ATP11C: variants seen among roughly 807,000 people sequenced by gnomAD.
ATP11C encodes the protein ATPase phospholipid transporting 11C (ATP11C blood group).
ATP11C carries 36 observed loss-of-function variants against 97.4 expected under a neutral mutation model. The ratio of observed to expected loss-of-function variants is 0.37; its 90% CI spans 0.28 to 0.49. ATP11C has a LOEUF of 0.49. Among genes scored for constraint, ATP11C ranks in the 20% least tolerant of loss-of-function variants. The pLI is 0.98. For missense variants in ATP11C, 730 were observed against 824.6 expected (o/e 0.89, Z 1.40); for synonymous variants, 275 against 290.9 (o/e 0.95, Z 0.56).
chrX:139,855,327 T>G (rs931526810), intron 1 of ATP11C, among the ~76,000 whole-genome samples: 3 of 111,924 alleles, frequency 2.7e-5, no homozygotes, highest in Admixed American at 9.5e-5. Flanking sequence ...TTCCTTTCCC[T>G]CAAAACTAAA....
upstream of ATP11C, among the ~76,000 whole-genome samples, chrX:139,936,029 G>A (rs767037924): frequency 1.7e-3 from 187 of 110,800 alleles, 1 homozygote; most frequent in African/African-American, 5.9e-3. Context: ...GGGGCAGGAT[G>A]GCTCACACCT....
intron 22 of ATP11C, among the ~76,000 whole-genome samples, chrX:139,760,260 A>G (rs1247271327): frequency 8.9e-6 from 1 of 111,848 alleles, no homozygotes. Context: ...TTAAAAAGTG[A>G]TTTTGTGAAC....
At chrX:139,862,352 G>A (rs911942680) in intron 1 of ATP11C, among the ~76,000 whole-genome samples, 5 of 111,573 alleles carry the variant, frequency 4.5e-5, no homozygotes, top group East Asian at 2.8e-4. Flanking sequence ...ACCTCAACTT[G>A]AAGCTCCTCG....
At chrX:139,927,595 ACT>A (rs1045713654) in intron 1 of ATP11C, among the ~76,000 whole-genome samples, 4 of 110,462 alleles carry the variant, frequency 3.6e-5, no homozygotes, top group African/African-American at 1.3e-4. Context: ...CAAGAGTAAG[ACT>A]CTGTCTCAAA....
intron 1 of ATP11C, among the ~76,000 whole-genome samples, chrX:139,870,261 G>A (rs921582996): frequency 8.9e-6 from 1 of 112,159 alleles, no homozygotes; most frequent in African/African-American, 3.2e-5. Flanking sequence ...CTACCCCATA[G>A]TGTTGTGAGA....
At chrX:139,835,047 T>C (rs1378347838) in intron 1 of ATP11C, among the ~76,000 whole-genome samples, 1 of 112,178 alleles carries the variant, frequency 8.9e-6, no homozygotes, top group East Asian at 2.8e-4. Context: ...TGTCTACATA[T>C]CTGGGCTACA....
At chrX:139,824,594 G>A (rs773693840) in intron 2 of ATP11C, among the ~76,000 whole-genome samples, 2 of 111,459 alleles carry the variant, frequency 1.8e-5, no homozygotes, top group African/African-American at 6.5e-5. Flanking sequence ...GGCTGAGGCA[G>A]GAGAATGGCG....
Position 139,826,748 on chromosome X carries a change from A to G in ATP11C, c.103T>C (p.Tyr35His). 8.3e-7 allele frequency: 1 copy of G among 1,207,886 alleles called. No individual in the cohort carries two copies. The highest frequency in any genetic ancestry group is 1.1e-6 in the Non-Finnish European group (1 of 892,514). ...TTATCACAAAATCTTTGTGCAATGT[A>G]AGCTTCTGTTTCCGAAACTGGATGA... ...GNHPVSETEA[Y>H]IAQRFCDNRI... Residue 35 changes from tyrosine to histidine, a missense_variant, in exon 2 of 30, where the codon TAC becomes CAC. Transcript: ENST00000682941.
chrX:139,894,259 A>G (rs963138654), intron 1 of ATP11C, among the ~76,000 whole-genome samples: 1 of 112,422 alleles, frequency 8.9e-6, no homozygotes, highest in African/African-American at 3.2e-5. Flanking sequence ...TAGCATTTGA[A>G]GGAATGAAAA....
intron 25 of ATP11C, among the ~76,000 whole-genome samples, chrX:139,744,071 GA>G (rs1180341938): frequency 9.0e-6 from 1 of 110,617 alleles, no homozygotes; most frequent in Non-Finnish European, 1.9e-5. Flanking sequence ...AAATGAGTCT[GA>G]TTTTTTTGGC....
At chrX:139,934,578 A>G (rs1410077502), upstream of ATP11C, among the ~76,000 whole-genome samples, 1 of 91,310 alleles carries the variant, frequency 1.1e-5, no homozygotes, top group Non-Finnish European at 2.1e-5. Context: ...TTTTTGAGAC[A>G]GTCTCACTCT....
chrX:139,876,728 T>C (rs1465310518), intron 1 of ATP11C, among the ~76,000 whole-genome samples: 1 of 112,058 alleles, frequency 8.9e-6, no homozygotes, highest in Non-Finnish European at 1.9e-5. Context: ...GAGGTAACGA[T>C]GTAGAAAGTG....
intron 29 of ATP11C, among the ~76,000 whole-genome samples, chrX:139,730,013 T>C (rs991811083): frequency 9.0e-6 from 1 of 111,630 alleles, no homozygotes; most frequent in Non-Finnish European, 1.9e-5. Context: ...GTAACTCACA[T>C]TGAGGAGTTA....
chrX:139,823,837 T>C (rs1218763635), intron 2 of ATP11C, among the ~76,000 whole-genome samples: 1 of 111,756 alleles, frequency 8.9e-6, no homozygotes, highest in East Asian at 2.8e-4. Flanking sequence ...ATTAAAAAGC[T>C]GCACAGCGAA....
At chrX:139,846,299 A>G (rs112147726) in intron 1 of ATP11C, among the ~76,000 whole-genome samples, 341 of 112,270 alleles carry the variant, frequency 3.0e-3, no homozygotes, top group African/African-American at 0.011. Context: ...CAGCTAAATT[A>G]TAAGACTTTG....
At chrX:139,822,359 GCTAATTTTTGT>G (rs2083428875) in intron 2 of ATP11C, among the ~76,000 whole-genome samples, 1 of 110,504 alleles carries the variant, frequency 9.0e-6, no homozygotes, top group African/African-American at 3.3e-5. Context: ...ACCACACCTG[GCTAATTTTTGT>G]TGTGTGTGGT....
Position 139,816,951 on chromosome X carries a change from A to C in ATP11C, c.238-8T>G, listed in dbSNP as rs760773061. ...TGGTGTGTCTACTGTGACCTAGGTA[A>C]ATAAAATTAAATTGAAAGTAAAATG... On this transcript the variant is annotated splice_region_variant and splice_polypyrimidine_tract_variant and intron_variant, in intron 3 of 29. Coordinates refer to ENST00000682941, the MANE Select transcript of ATP11C (RefSeq NM_001353812.2). 1 of 1,126,378 alleles carries C rather than the reference A, an allele frequency of 8.9e-7. No individual in the cohort carries two copies. The highest frequency in any genetic ancestry group is 2.4e-5 in the Admixed American group (1 of 41,414). 92.8% of individuals were successfully genotyped at this position (1,126,378 alleles called of 1,213,427 possible).
chrX:139,874,784 G>C (rs2084440773), intron 1 of ATP11C, among the ~76,000 whole-genome samples: 1 of 112,090 alleles, frequency 8.9e-6, no homozygotes, highest in Non-Finnish European at 1.9e-5. Flanking sequence ...GCTATAATCA[G>C]ACACAATGTG....
intron 1 of ATP11C, among the ~76,000 whole-genome samples, chrX:139,927,734 C>CA (rs1285274814): frequency 5.9e-5 from 6 of 102,190 alleles, no homozygotes; most frequent in African/African-American, 1.5e-4. Context: ...TAATAAATCT[C>CA]AAAAAAAAGG....
Sources: gnomAD v4.1 joint callset for allele counts (sites outside exome capture counted in the v4.1 genomes callset) on GRCh38, gnomAD v4.1.1 for gene constraint, MANE v1.5 for transcripts, NCBI Gene and HGNC (gene_info 2026-07-23, HGNC 2026-07-21) for gene names.